WDFY4: variants seen among roughly 807,000 people sequenced by gnomAD.
WDFY4 encodes WDFY family member 4.
A neutral mutation model predicts 351.9 loss-of-function variants in WDFY4; 169 were observed. That is an observed-to-expected ratio of 0.48 (90% confidence interval 0.42 to 0.55). WDFY4 has a LOEUF of 0.55. WDFY4 is among the 20% of genes least tolerant of loss of function. The pLI is 0.00. For synonymous variants in WDFY4, 1,622 were observed against 1,574.6 expected, an observed-to-expected ratio of 1.03 and a Z score of -0.71; for missense variants, 3,803 against 3,935.6, an observed-to-expected ratio of 0.97 and a Z score of 0.90.
intron 47 of WDFY4, chr10:48,909,336 T>C (rs1194173513): frequency 6.6e-6 from 1 of 152,226 alleles, no homozygotes; most frequent in Non-Finnish European, 1.5e-5. Context: ...TGCCTACCTA[T>C]GCACCATTGA....
chr10:48,899,258 CTTCCTGTTTTGCACATTATTTAT>C (rs1418882725), intron 45 of WDFY4, among the ~76,000 whole-genome samples: 1 of 152,196 alleles, frequency 6.6e-6, no homozygotes, highest in East Asian at 1.9e-4. Flanking sequence ...TCTGCATTCA[CTTCCTGTTTTGCACATTATTTAT>C]ATTTCTATTT....
intron 53 of WDFY4, 32 bp downstream of exon 53, chr10:48,959,845 T>G (rs1483636789): frequency 1.3e-6 from 2 of 1,524,706 alleles, no homozygotes; most frequent in South Asian, 1.2e-5. Context: ...GGTATCCTGC[T>G]GGGGACCTGA....
chr10:48,821,122 T>A lies in WDFY4; in HGVS notation c.5770T>A (p.Ser1924Thr). The A allele has an allele frequency of 6.4e-7, 1 of 1,551,678 alleles. No homozygotes were observed. The highest frequency in any genetic ancestry group is 1.4e-5 in the African/African-American group (1 of 73,152). Reference sequence around the variant, plus strand: ...AGACTTCCAGTCCGAGGTCCTGCTTTCTGCTATGGAACTATTCCACATGAC... The same window carrying A: ...AGACTTCCAGTCCGAGGTCCTGCTTACTGCTATGGAACTATTCCACATGAC... ...KRDFQSEVLL[S>T]AMELFHMTSG... Residue 1924 changes from serine to threonine, a missense_variant, in exon 34 of 62, where the codon TCT (serine) becomes ACT (threonine). Transcript: ENST00000325239.
At chr10:48,922,518 T>C (rs888420679) in intron 47 of WDFY4, among the ~76,000 whole-genome samples, 1 of 152,250 alleles carries the variant, frequency 6.6e-6, no homozygotes, top group East Asian at 1.9e-4. Flanking sequence ...GAACAGTAAA[T>C]TGTTGAAATT....
intron 39 of WDFY4, among the ~76,000 whole-genome samples, chr10:48,859,118 C>G (rs1039656071): frequency 6.6e-6 from 1 of 151,888 alleles, no homozygotes; most frequent in Non-Finnish European, 1.5e-5. Context: ...TTTTGTTTTG[C>G]TTTGTTGTAA....
Position 48,873,686 on chromosome 10 carries a change from G to A in WDFY4, c.6937G>A (p.Gly2313Arg), listed in dbSNP as rs1399777741. ...RLSPLEALSS[G>R]RHKESQDKND... is the part of the protein sequence containing the mutation. Reference sequence around the variant, plus strand: ...GTCTCCTTTGGAGGCCCTGAGCTCAGGAAGGCACAAGGTAGGAGTCAGGCG... The same window carrying A: ...GTCTCCTTTGGAGGCCCTGAGCTCAAGAAGGCACAAGGTAGGAGTCAGGCG... Residue 2313 changes from glycine to arginine, a missense_variant, in exon 41 of 62, where the codon GGA (glycine) becomes AGA (arginine). Transcript: ENST00000325239. The A allele has an allele frequency of 2.6e-6, 4 of 1,551,670 alleles. No homozygotes were observed. The highest frequency in any genetic ancestry group is 3.5e-6 in the Non-Finnish European group (4 of 1,147,016).
At chr10:48,691,166 C>A (rs925017288) in intron 1 of WDFY4, among the ~76,000 whole-genome samples, 5 of 152,158 alleles carry the variant, frequency 3.3e-5, no homozygotes, top group African/African-American at 4.8e-5. Flanking sequence ...GGAGCTCCCC[C>A]TGTTGCCAAG....
In WDFY4 at chr10:48,978,335, G is replaced by A. The variant is rs1280065770; in HGVS notation, c.9318G>A (p.Met3106Ile). Residue 3106 changes from methionine to isoleucine, a missense_variant, in exon 60 of 62, where the codon ATG becomes ATA. Met to Ile is a conservative substitution (Grantham distance 10, BLOSUM62 1). Coordinates refer to ENST00000325239, the MANE Select transcript of WDFY4 (RefSeq NM_001394531.1). ...VRVWKTEDVK[M>I]SVPGRPAGEE... ...TTTGGAAGACTGAGGATGTGAAGATGTCTGTTCCTGGACGGCCAGCAGGAG... is the reference window on the plus strand; with the variant it reads ...TTTGGAAGACTGAGGATGTGAAGATATCTGTTCCTGGACGGCCAGCAGGAG... 4 of 1,551,468 alleles carry A rather than the reference G, an allele frequency of 2.6e-6. No homozygotes were observed. The highest frequency in any genetic ancestry group is 2.4e-5 in the East Asian group (1 of 40,898).
At chr10:48,754,681 A>G in intron 12 of WDFY4, among the ~76,000 whole-genome samples, 1 of 152,014 alleles carries the variant, frequency 6.6e-6, no homozygotes, top group East Asian at 1.9e-4. Flanking sequence ...CACCCAGGTC[A>G]TGGATTTTAG....
intron 43 of WDFY4, among the ~76,000 whole-genome samples, chr10:48,889,119 C>T (rs1025526259): frequency 7.9e-5 from 12 of 152,188 alleles, no homozygotes; most frequent in Admixed American, 2.0e-4. Flanking sequence ...TGGAAGGTGG[C>T]TGGAGGGCCA....
intron 3 of WDFY4, 122 bp from the exon 4 acceptor site, chr10:48,721,139 G>C: frequency 1.1e-6 from 1 of 889,088 alleles, no homozygotes; most frequent in Non-Finnish European, 1.8e-6. Flanking sequence ...GGGATGTGTA[G>C]GCAAGATGCC....
intron 39 of WDFY4, among the ~76,000 whole-genome samples, chr10:48,862,812 T>C (rs2069390635): frequency 6.6e-6 from 1 of 152,190 alleles, no homozygotes; most frequent in South Asian, 2.1e-4. Flanking sequence ...ATCACTGTAA[T>C]CAATTTTATA....
intron 47 of WDFY4, among the ~76,000 whole-genome samples, chr10:48,927,717 G>A (rs189004382): frequency 2.0e-4 from 31 of 152,250 alleles, no homozygotes; most frequent in Non-Finnish European, 3.8e-4. Flanking sequence ...TTCCCCTAGC[G>A]GATAATAAGA....
intron 58 of WDFY4, chr10:48,975,243 T>A: frequency 1.4e-6 from 1 of 714,926 alleles, no homozygotes; most frequent in Non-Finnish European, 2.4e-6. Flanking sequence ...CTTTCCTCCC[T>A]CTGGTGTTGG....
Position 48,796,365 on chromosome 10 carries a change from C to T in WDFY4, c.4325C>T (p.Ser1442Leu). The change falls in exon 24 of 62, where the codon TCA becomes TTA. Residue 1442 changes from serine to leucine, a missense_variant. Ser to Leu is a moderately radical substitution (Grantham distance 145). This residue lies in a region of WDFY4 where 3,054 missense variants were observed against 3,148.6 expected (regional missense o/e 0.97). Coordinates refer to ENST00000325239, the MANE Select transcript of WDFY4 (RefSeq NM_001394531.1). ...LNHRIFQLIL[S>L]VAGTVELGFR... ...CATCGAATTTTTCAGCTGATCCTCT[C>T]AGTGGCTGGCACTGTGGAGCTGGGC... is the stretch of plus-strand genomic sequence containing the variant. The T allele has an allele frequency of 6.4e-7, 1 of 1,552,350 alleles. No individual in the cohort carries two copies.
At chr10:48,914,066 C>CT (rs756773651) in intron 47 of WDFY4, 2 of 1,614,092 alleles carry the variant, frequency 1.2e-6, no homozygotes, top group Non-Finnish European at 1.7e-6. Flanking sequence ...AGTCAAGGCG[C>CT]TTTTTCCCAT....
At chr10:48,869,670 T>A (rs1358980470) in intron 40 of WDFY4, among the ~76,000 whole-genome samples, 2 of 152,174 alleles carry the variant, frequency 1.3e-5, no homozygotes, top group Admixed American at 1.3e-4. Flanking sequence ...TCTCTTGCTC[T>A]GTCTGTTACA....
rs565090353 is a variant in WDFY4 at position 48,805,384 on chromosome 10, C to T, written c.4609C>T (p.Gln1537Ter). The T allele has an allele frequency of 6.5e-7, 1 of 1,549,504 alleles. No homozygotes were observed. Among genetic ancestry groups the T allele is most frequent in the Admixed American group, 2.0e-5 (1 of 51,000 alleles). ...CACCATCATTGGCATCCTGGCCTGT[C>T]AGCTGAGGGGCCACTTCAGCACCCA... ...ISTIIGILAC[Q>*]LRGHFSTQDL... The change falls in exon 26 of 62, where the codon CAG becomes TAG. Residue 1537 changes from glutamine to a stop codon, truncating the protein, a stop_gained. Coordinates refer to ENST00000325239, the MANE Select transcript of WDFY4 (RefSeq NM_001394531.1). LOFTEE classifies it high-confidence loss of function.
At chr10:48,754,054 G>T (rs773475054) in intron 12 of WDFY4, among the ~76,000 whole-genome samples, 2 of 152,024 alleles carry the variant, frequency 1.3e-5, no homozygotes, top group Non-Finnish European at 2.9e-5. Flanking sequence ...TATTAATGTG[G>T]TGTATTTTGT....
Sources: allele counts gnomAD v4.1 joint callset (sites outside exome capture counted in the v4.1 genomes callset), GRCh38; gene constraint gnomAD v4.1.1; regional missense constraint gnomAD v4.1.1; transcripts MANE v1.5; gene names NCBI Gene and HGNC (gene_info 2026-07-23, HGNC 2026-07-21).